Variants in ARNT2 observed in about 807,000 individuals in gnomAD.
ARNT2 encodes ARNT protein 2.
ARNT2 carries 36 observed loss-of-function variants against 91.7 expected under a neutral mutation model. That is an observed-to-expected ratio of 0.39 (90% confidence interval 0.30 to 0.52). The LOEUF is 0.52. ARNT2 is among the 20% of genes least tolerant of loss of function. The pLI is 0.72. For missense variants in ARNT2, 775 were observed against 939.3 expected (o/e 0.83, Z 2.29); for synonymous variants, 365 against 347.1 (o/e 1.05, Z -0.57).
intron 1 of ARNT2, among the ~76,000 whole-genome samples, chr15:80,419,317 A>G (rs1895829907): frequency 1.3e-5 from 2 of 152,218 alleles, no homozygotes; most frequent in Non-Finnish European, 2.9e-5. Flanking sequence ...CAGGGGCTGC[A>G]CTAAGCCAGT....
At chr15:80,415,642 G>A (rs750674579) in intron 1 of ARNT2, among the ~76,000 whole-genome samples, 3 of 152,112 alleles carry the variant, frequency 2.0e-5, no homozygotes, top group Non-Finnish European at 2.9e-5. Flanking sequence ...GTGGAGGCCC[G>A]GTCCACGTAA....
At chr15:80,452,176 A>T (rs1896403685) in intron 2 of ARNT2, among the ~76,000 whole-genome samples, 1 of 152,252 alleles carries the variant, frequency 6.6e-6, no homozygotes, top group African/African-American at 2.4e-5. Context: ...TATAGTCTCT[A>T]AAGGAGGGCC....
intron 1 of ARNT2, among the ~76,000 whole-genome samples, chr15:80,431,181 T>G (rs894740809): frequency 1.3e-5 from 2 of 152,166 alleles, no homozygotes; most frequent in Non-Finnish European, 2.9e-5. Context: ...ACCTTACATT[T>G]TCTTCGGGAG....
In ARNT2 at chr15:80,580,541, C is replaced by T. The variant is rs745749115; in HGVS notation, c.1744C>T (p.Pro582Ser). 1.2e-6 allele frequency: 2 copies of T among 1,614,024 alleles called. No individual in the cohort carries two copies. Among genetic ancestry groups the T allele is most frequent in the East Asian group, 2.2e-5 (1 of 44,878 alleles). ...VAWTGSRPPFPGQQIPSQSSK... is the reference protein window; with the variant it reads ...VAWTGSRPPFSGQQIPSQSSK... ...ATGGACAGGGAGTCGTCCGCCCTTT[C>T]CGGGACAGGTATGGGCATCTGTGAG... The change falls in exon 16 of 19, where the codon CCG becomes TCG. Residue 582 changes from proline (P) to serine (S), a missense_variant. Transcript: ENST00000303329.
At chr15:80,506,352 A>G (rs969571500) in intron 5 of ARNT2, among the ~76,000 whole-genome samples, 1 of 152,184 alleles carries the variant, frequency 6.6e-6, no homozygotes, top group African/African-American at 2.4e-5. Context: ...CAATTCCAAC[A>G]AGGATAAGTG....
In ARNT2 at chr15:80,416,767, T is replaced by C. The variant is rs993066038; in HGVS notation, c.31+12221T>C. On this transcript the variant is annotated intron_variant, in intron 1 of 18. Transcript: ENST00000303329. ...CATTGGAGTTGCGCTTTTCTAAAAT[T>C]TTAATTTTTTTGGCAAGAATACCCC... is the stretch of plus-strand genomic sequence containing the variant. 6.1e-4 allele frequency among the ~76,000 whole-genome samples: 93 copies of C among 152,236 alleles called. 1 individual carries two copies. The highest frequency in any genetic ancestry group is 1.5e-5 in the Non-Finnish European group (1 of 68,036).
At chr15:80,454,004 TC>T in intron 2 of ARNT2, among the ~76,000 whole-genome samples, 1 of 152,304 alleles carries the variant, frequency 6.6e-6, no homozygotes, top group East Asian at 1.9e-4. Flanking sequence ...CCTCCAGGCC[TC>T]CCGCCGGGCC....
chr15:80,435,154 G>A (rs575954791), intron 1 of ARNT2, among the ~76,000 whole-genome samples: 27 of 152,172 alleles, frequency 1.8e-4, no homozygotes, highest in African/African-American at 4.6e-4. Flanking sequence ...CACTGCCATC[G>A]GGCCACCTGG....
chr15:80,459,770 A>AT (rs1377482684), intron 3 of ARNT2, among the ~76,000 whole-genome samples: 1 of 152,246 alleles, frequency 6.6e-6, no homozygotes, highest in Non-Finnish European at 1.5e-5. Context: ...TCTGTGAACC[A>AT]TATCATTTCC....
intron 6 of ARNT2, 49 bp downstream of exon 6, chr15:80,508,307 T>C: frequency 6.3e-7 from 1 of 1,585,880 alleles, no homozygotes; most frequent in Middle Eastern, 1.8e-4. Context: ...TTTGCTCCTT[T>C]TTCTGTCACC....
chr15:80,507,735 A>G (rs1231168210), intron 5 of ARNT2, among the ~76,000 whole-genome samples: 2 of 152,226 alleles, frequency 1.3e-5, no homozygotes, highest in African/African-American at 2.4e-5. Flanking sequence ...AGGGGAGGGC[A>G]GATGCTTGAG....
At chr15:80,517,974 T>C (rs1212210462) in intron 8 of ARNT2, among the ~76,000 whole-genome samples, 1 of 152,242 alleles carries the variant, frequency 6.6e-6, no homozygotes, top group Non-Finnish European at 1.5e-5. Context: ...GATTTCATAA[T>C]GTGTTTCACA....
chr15:80,528,366 TTATCTATC>T (rs149942992), intron 8 of ARNT2, among the ~76,000 whole-genome samples: 2,030 of 148,864 alleles, frequency 0.014, 22 homozygotes, highest in African/African-American at 0.031. Flanking sequence ...ATTTGACCAT[TTATCTATC>T]TATCTATCTA....
chr15:80,530,416 C>T (rs74027826), intron 8 of ARNT2, among the ~76,000 whole-genome samples: 7 of 152,196 alleles, frequency 4.6e-5, no homozygotes, highest in Admixed American at 2.0e-4. Context: ...CACAACATGC[C>T]GTGTTCTGTG....
At chr15:80,489,495 C>G (rs548371783) in intron 5 of ARNT2, among the ~76,000 whole-genome samples, 1 of 152,324 alleles carries the variant, frequency 6.6e-6, no homozygotes, top group South Asian at 2.1e-4. Flanking sequence ...TACAATGCCA[C>G]TCTTTAACCT....
In ARNT2 at chr15:80,506,322, A is replaced by G. The variant is rs114476394; in HGVS notation, c.623-1834A>G. The stretch of plus-strand genomic sequence containing the variant: ...AGGCACCACTGCACTGTGGTCTTGC[A>G]TGCTAGGAGAGAGTGGACCCAATTC... On this transcript the variant is annotated intron_variant, in intron 5 of 18. Transcript: ENST00000303329. Among the ~76,000 whole-genome samples the G allele has an allele frequency of 5.8e-3, 881 of 152,372 alleles. 12 individuals are homozygous for G. Among genetic ancestry groups the G allele is most frequent in the African/African-American group, 0.02 (835 of 41,584 alleles).
Position 80,597,313 on chromosome 15 carries a change from A to C in ARNT2, c.*3615A>C, listed in dbSNP as rs1310827345. ...CTGACCTACCACATAAACAGGAAGA[A>C]GCCAGTGACCGGAACAGCTCTAGGA... On this transcript the variant is annotated 3_prime_UTR_variant, in exon 19 of 19. Transcript: ENST00000303329. The C allele has an allele frequency of 7.7e-6, 4 of 518,652 alleles. No homozygotes were observed. The highest frequency in any genetic ancestry group is 1.4e-5 in the South Asian group (1 of 71,524). The allele number at this position is 518,652 out of a possible 1,614,324, so 32.1% of individuals were successfully genotyped here.
chr15:80,416,793 A>G (rs2141557911), intron 1 of ARNT2, among the ~76,000 whole-genome samples: 1 of 152,288 alleles, frequency 6.6e-6, no homozygotes, highest in Non-Finnish European at 1.5e-5. Flanking sequence ...AGAATACCCC[A>G]AAAGTGCAGT....
rs1270609270 is a variant in ARNT2, at chr15:80,454,367, A to G, written c.146+3373A>G. Among the ~76,000 whole-genome samples, 4 of 152,262 alleles carry G rather than the reference A, an allele frequency of 2.6e-5. No homozygotes were observed. In the East Asian group the frequency reaches 7.7e-4, roughly 29 times the overall value. On this transcript the variant is annotated intron_variant, in intron 2 of 18. Transcript: ENST00000303329. ...TGGAGGGTGGAGGCTGAGGGCAGGG[A>G]TGTGTCAGTCCCTTTCCACTTGGAG...
Sources: allele counts gnomAD v4.1 joint callset (sites outside exome capture counted in the v4.1 genomes callset), GRCh38; gene constraint gnomAD v4.1.1; transcripts MANE v1.5; gene names NCBI Gene and HGNC (gene_info 2026-07-23, HGNC 2026-07-21).